The following DLGAP1 variants were observed in gnomAD, a reference collection of about 807,000 sequenced individuals.
DLGAP1 encodes DLG associated protein 1.
Under a neutral mutation model 90.8 loss-of-function variants are expected in DLGAP1, and 11 were observed. The observed-to-expected ratio is 0.12, with a 90% CI of 0.08 to 0.20. The LOEUF (loss-of-function observed/expected upper bound fraction) is 0.20. Among genes scored for constraint, DLGAP1 ranks in the 10% least tolerant of loss-of-function variants. DLGAP1 has a pLI of 1.00. For synonymous variants in DLGAP1, 558 were observed against 540.7 expected (o/e 1.03, Z -0.44); for missense variants, 1,050 against 1,333.8 (o/e 0.79, Z 3.31).
At chr18:4,066,989 G>T (rs1183394149) in intron 2 of DLGAP1, among the ~76,000 whole-genome samples, 1 of 152,138 alleles carries the variant, frequency 6.6e-6, no homozygotes, top group Non-Finnish European at 1.5e-5. Flanking sequence ...GGAATACTAT[G>T]CAGCCATACA....
At chr18:4,119,657 C>T (rs78465152) in intron 2 of DLGAP1, among the ~76,000 whole-genome samples, 2 of 152,260 alleles carry the variant, frequency 1.3e-5, no homozygotes, top group East Asian at 3.9e-4. Flanking sequence ...AGACTTCCAA[C>T]TCTTCCAAGC....
chr18:4,334,849 G>C (rs954331325), intron 1 of DLGAP1, among the ~76,000 whole-genome samples: 1 of 151,888 alleles, frequency 6.6e-6, no homozygotes, highest in Non-Finnish European at 1.5e-5. Flanking sequence ...TGGAAATCAT[G>C]ACTCTAGTAA....
At chr18:4,428,907 A>G (rs2083217402) in intron 1 of DLGAP1, among the ~76,000 whole-genome samples, 1 of 152,168 alleles carries the variant, frequency 6.6e-6, no homozygotes, top group African/African-American at 2.4e-5. Context: ...ATGAGCCTTA[A>G]CAAATCAGAT....
At chr18:4,365,802 T>C (rs2081750587) in intron 1 of DLGAP1, among the ~76,000 whole-genome samples, 1 of 152,162 alleles carries the variant, frequency 6.6e-6, no homozygotes, top group South Asian at 2.1e-4. Flanking sequence ...TACTTAAATA[T>C]AGTATTTGGC....
chr18:3,567,016 A>G (rs754428859), intron 9 of DLGAP1, among the ~76,000 whole-genome samples: 1 of 152,098 alleles, frequency 6.6e-6, no homozygotes, highest in African/African-American at 2.4e-5. Context: ...CTGGTGATTC[A>G]GGATAATGAC....
At chr18:3,678,908 G>A (rs986034628) in intron 7 of DLGAP1, among the ~76,000 whole-genome samples, 1 of 152,204 alleles carries the variant, frequency 6.6e-6, no homozygotes, top group Non-Finnish European at 1.5e-5. Context: ...TATATGTTGG[G>A]GGGAAATTCT....
intron 1 of DLGAP1, among the ~76,000 whole-genome samples, chr18:4,395,946 T>C (rs553781501): frequency 6.6e-6 from 1 of 151,888 alleles, no homozygotes; most frequent in Non-Finnish European, 1.5e-5. Context: ...AGTGACAGAG[T>C]CTACCTGAAG....
chr18:3,761,735 C>T (rs759282654), intron 5 of DLGAP1, among the ~76,000 whole-genome samples: 2 of 152,076 alleles, frequency 1.3e-5, no homozygotes, highest in African/African-American at 2.4e-5. Flanking sequence ...GCCACCACGT[C>T]GGGCTAATTT....
chr18:4,002,291 C>T (rs920707100), intron 3 of DLGAP1, among the ~76,000 whole-genome samples: 8 of 118,100 alleles, frequency 6.8e-5, no homozygotes, highest in Non-Finnish European at 1.5e-4. Context: ...ACCTGCCTGT[C>T]TATGTTAACA....
intron 1 of DLGAP1, among the ~76,000 whole-genome samples, chr18:4,320,304 T>C (rs1232055337): frequency 6.6e-6 from 1 of 152,182 alleles, no homozygotes; most frequent in Non-Finnish European, 1.5e-5. Context: ...TTTGATGAGT[T>C]CCCTTTTTGT....
At chr18:3,586,500 T>C (rs1321791637) in intron 7 of DLGAP1, among the ~76,000 whole-genome samples, 1 of 152,132 alleles carries the variant, frequency 6.6e-6, no homozygotes, top group Non-Finnish European at 1.5e-5. Context: ...GCTTTTTTTT[T>C]TTCAACTACA....
intron 3 of DLGAP1, among the ~76,000 whole-genome samples, chr18:3,981,670 C>A (rs993439030): frequency 6.6e-6 from 1 of 152,170 alleles, no homozygotes; most frequent in African/African-American, 2.4e-5. Context: ...ATCTCCAATG[C>A]CCTTCAGATT....
chr18:3,586,961 T>C (rs530545503), intron 7 of DLGAP1, among the ~76,000 whole-genome samples: 5 of 152,260 alleles, frequency 3.3e-5, no homozygotes, highest in Non-Finnish European at 7.4e-5. Flanking sequence ...AATATGTTTG[T>C]CTTGCCTGGT....
At chr18:3,719,920 T>C (rs557209974) in intron 7 of DLGAP1, among the ~76,000 whole-genome samples, 1 of 152,174 alleles carries the variant, frequency 6.6e-6, no homozygotes, top group African/African-American at 2.4e-5. Context: ...ATGGGACAAA[T>C]ATGTAATGGA....
chr18:4,283,851 C>T (rs1189359478), intron 1 of DLGAP1, among the ~76,000 whole-genome samples: 1 of 152,136 alleles, frequency 6.6e-6, no homozygotes, highest in Non-Finnish European at 1.5e-5. Flanking sequence ...AAACAACATA[C>T]AGCTATATCC....
rs2219722 is a variant in DLGAP1, at chr18:4,372,071, G to A, written c.-267+82935C>T. Among the ~76,000 whole-genome samples, 549 of 152,274 alleles carry A rather than the reference G, an allele frequency of 3.6e-3. 20 individuals are homozygous for A. Among genetic ancestry groups the A allele is most frequent in the Admixed American group, 0.033 (498 of 15,292 alleles). ...CTGCACACCAAAGATATTCTTAAAA[G>A]CCATGTAATTTCAATGTACTTAACA... On this transcript the variant is annotated intron_variant, in intron 1 of 12. Transcript: ENST00000315677.
chr18:4,366,153 A>G (rs1429884082), intron 1 of DLGAP1, among the ~76,000 whole-genome samples: 1 of 152,126 alleles, frequency 6.6e-6, no homozygotes, highest in African/African-American at 2.4e-5. Context: ...CATTGGTCAA[A>G]ATTTCAATAT....
intron 3 of DLGAP1, among the ~76,000 whole-genome samples, chr18:3,966,281 T>C (rs2073329238): frequency 6.6e-6 from 1 of 151,848 alleles, no homozygotes; most frequent in African/African-American, 2.4e-5. Flanking sequence ...GGGGAAGTAG[T>C]AGGAGATGAG....
At position 4,214,542 on chromosome 18, in the gene DLGAP1, C is replaced by T. The variant is rs76475653; in HGVS notation, c.-266-63255G>A. Among the ~76,000 whole-genome samples the T allele has an allele frequency of 1.6e-3, 236 of 152,186 alleles. 8 individuals carry two copies. In the East Asian group the frequency reaches 0.04, roughly 26 times the overall value. On this transcript the variant is annotated intron_variant, in intron 1 of 12. Transcript: ENST00000315677. ...CTGGGGTGGAGGCAGAGGGTACACA[C>T]GTAAATTTCTAATCCAAGGCAATCT...
Sources: gnomAD v4.1 joint callset for allele counts (sites outside exome capture counted in the v4.1 genomes callset) on GRCh38, gnomAD v4.1.1 for gene constraint, MANE v1.5 for transcripts, NCBI Gene and HGNC (gene_info 2026-07-23, HGNC 2026-07-21) for gene names.